The following PDE4D variants were observed in gnomAD, a reference collection of about 807,000 sequenced individuals.
The protein encoded by PDE4D is phosphodiesterase 4D, also known as 3',5'-cyclic-AMP phosphodiesterase 4D.
In PDE4D, 24 loss-of-function variants were observed where a neutral mutation model predicts 87.4. The observed-to-expected ratio is 0.27, with a 90% CI of 0.20 to 0.39. PDE4D has a LOEUF of 0.39. Among genes scored for constraint, PDE4D ranks in the 10% least tolerant of loss-of-function variants. PDE4D has a pLI of 1.00. For synonymous variants in PDE4D, 384 were observed against 383.2 expected, an observed-to-expected ratio of 1.00 and a Z score of -0.02; for missense variants, 714 against 1,041.0, an observed-to-expected ratio of 0.69 and a Z score of 4.32.
At chr5:59,355,408 T>A (rs1781219179) in intron 1 of PDE4D, among the ~76,000 whole-genome samples, 1 of 152,186 alleles carries the variant, frequency 6.6e-6, no homozygotes, top group Admixed American at 6.5e-5. Context: ...GAGCTTGTTA[T>A]CAGATCTAGT....
intron 1 of PDE4D, among the ~76,000 whole-genome samples, chr5:59,286,757 T>C (rs895836165): frequency 3.2e-4 from 48 of 152,344 alleles, no homozygotes; most frequent in African/African-American, 1.0e-3. Flanking sequence ...TTTTGTATTC[T>C]CTATGGACTT....
intron 3 of PDE4D, among the ~76,000 whole-genome samples, chr5:59,948,971 T>A (rs991803983): frequency 1.3e-5 from 2 of 152,222 alleles, no homozygotes; most frequent in African/African-American, 4.8e-5. Context: ...TCTCATTTCA[T>A]CCTCAAACTG....
intron 2 of PDE4D, among the ~76,000 whole-genome samples, chr5:60,141,055 G>A (rs1477680053): frequency 6.6e-6 from 1 of 151,980 alleles, no homozygotes; most frequent in Non-Finnish European, 1.5e-5. Flanking sequence ...CTTTTTTCGT[G>A]GAGTTCATAG....
intron 1 of PDE4D, among the ~76,000 whole-genome samples, chr5:60,354,642 C>T (rs2149935886): frequency 6.6e-6 from 1 of 152,274 alleles, no homozygotes; most frequent in East Asian, 1.9e-4. Context: ...GGTTATAAAT[C>T]TAAGTCACCA....
At chr5:59,596,513 G>T (rs1826708080) in intron 1 of PDE4D, among the ~76,000 whole-genome samples, 1 of 151,680 alleles carries the variant, frequency 6.6e-6, no homozygotes, top group African/African-American at 2.4e-5. Flanking sequence ...GGGGTTTTCT[G>T]GTCTGTTTTG....
rs549070251 is a variant in PDE4D, at chr5:60,292,508, C to T, written c.-89-106821G>A. ...AAGAGAAAATGGTATACATCTGAAA[C>T]AATATAAAACACACTTCTTGCCAAA... On this transcript the variant is annotated intron_variant, in intron 1 of 16. Transcript: ENST00000502484. 4.6e-5 allele frequency among the ~76,000 whole-genome samples: 7 copies of T among 152,248 alleles called. No individual in the cohort carries two copies. The East Asian group carries it at 1.4e-3, about 29-fold the overall frequency.
chr5:59,861,037 T>C (rs1433192141), intron 1 of PDE4D, among the ~76,000 whole-genome samples: 1 of 150,528 alleles, frequency 6.6e-6, no homozygotes, highest in East Asian at 1.9e-4. Flanking sequence ...TTTTTTTTTT[T>C]TTTTTGTATT....
At chr5:59,618,961 A>G (rs906592387) in intron 1 of PDE4D, among the ~76,000 whole-genome samples, 1 of 152,106 alleles carries the variant, frequency 6.6e-6, no homozygotes, top group African/African-American at 2.4e-5. Flanking sequence ...CAGCTTCCAG[A>G]CTGTAAGAAA....
chr5:59,906,352 A>G (rs1047682683), intron 3 of PDE4D, among the ~76,000 whole-genome samples: 1 of 152,192 alleles, frequency 6.6e-6, no homozygotes, highest in African/African-American at 2.4e-5. Flanking sequence ...TTCCTAAGCC[A>G]GAAAAAGTAG....
intron 1 of PDE4D, among the ~76,000 whole-genome samples, chr5:60,458,603 G>C (rs1378859609): frequency 6.6e-6 from 1 of 151,966 alleles, no homozygotes; most frequent in Non-Finnish European, 1.5e-5. Flanking sequence ...AAATATATCT[G>C]GACTTCATCA....
intron 1 of PDE4D, among the ~76,000 whole-genome samples, chr5:60,234,543 C>T (rs963762762): frequency 1.3e-5 from 2 of 151,802 alleles, no homozygotes; most frequent in Non-Finnish European, 2.9e-5. Flanking sequence ...AGAGACTGCG[C>T]TATTTTATAT....
In PDE4D at chr5:59,719,438, T is replaced by A. The variant is rs1377845531; in HGVS notation, c.455+173730A>T. On this transcript the variant is annotated intron_variant, in intron 1 of 14. Transcript: ENST00000340635. ...TGAAGTACTTGGGAACTAATGAGTT[T>A]TGAGTATTGATTACCTTTGCATTTC... Among the ~76,000 whole-genome samples, 4 of 152,274 alleles carry A rather than the reference T, an allele frequency of 2.6e-5. No homozygotes were observed. The East Asian group carries it at 7.7e-4, about 29-fold the overall frequency.
chr5:60,118,488 T>G (rs1165097166), intron 2 of PDE4D, among the ~76,000 whole-genome samples: 2 of 152,054 alleles, frequency 1.3e-5, no homozygotes, highest in Non-Finnish European at 2.9e-5. Flanking sequence ...CCAGGCACTA[T>G]ATATGGCAGA....
At chr5:60,486,872 C>T (rs1749186078) in intron 1 of PDE4D, among the ~76,000 whole-genome samples, 1 of 151,924 alleles carries the variant, frequency 6.6e-6, no homozygotes, top group Admixed American at 6.6e-5. Flanking sequence ...GAAAAGGAAC[C>T]CCTTTATTTT....
rs1471641444 is a variant in PDE4D, at chr5:60,357,853, A to C, written c.-90+130089T>G. Among the ~76,000 whole-genome samples the C allele has an allele frequency of 5.3e-5, 8 of 152,304 alleles. No homozygotes were observed. The East Asian group carries it at 9.6e-4, about 18-fold the overall frequency. On this transcript the variant is annotated intron_variant, in intron 1 of 16. Coordinates refer to the PDE4D transcript ENST00000502484. ...CAACTAGCGTTTCTCATACATCCTC[A>C]AATACTGAACTTAGGTGGCCAGTTA...
chr5:59,177,484 A>T (rs1784077461), intron 5 of PDE4D, among the ~76,000 whole-genome samples: 1 of 152,232 alleles, frequency 6.6e-6, no homozygotes, highest in African/African-American at 2.4e-5. Flanking sequence ...TGCTAAGGGC[A>T]TCATGCGTGT....
chr5:60,185,663 A>G (rs1306805520), exon 2 of PDE4D: 2 of 1,061,404 alleles, frequency 1.9e-6, no homozygotes, highest in African/African-American at 3.1e-5. Context: ...CACTGCACGT[A>G]TCCACTCAAA....
intron 5 of PDE4D, chr5:59,039,425 C>T: frequency 2.0e-6 from 2 of 993,436 alleles, no homozygotes; most frequent in Non-Finnish European, 2.4e-6. Context: ...AACCCGGAGC[C>T]GCGGCCCCAC....
intron 1 of PDE4D, chr5:60,460,101 C>T: frequency 6.2e-7 from 1 of 1,605,680 alleles, no homozygotes; most frequent in South Asian, 1.1e-5. Flanking sequence ...GGTCAGTAAA[C>T]CAGGTAAAGA....
Sources: allele counts gnomAD v4.1 joint callset (sites outside exome capture counted in the v4.1 genomes callset), GRCh38; gene constraint gnomAD v4.1.1; transcripts MANE v1.5; gene names NCBI Gene and HGNC (gene_info 2026-07-23, HGNC 2026-07-21).